HSD17B12: variants seen among roughly 807,000 people sequenced by gnomAD.
HSD17B12 encodes the protein very-long-chain 3-oxoacyl-CoA reductase.
In HSD17B12, 32 loss-of-function variants were observed where a neutral mutation model predicts 39.3. That is an observed-to-expected ratio of 0.81 (90% CI 0.61 to 1.09). HSD17B12 has a LOEUF of 1.09. Among genes scored for constraint, HSD17B12 ranks in the 50% least tolerant of loss-of-function variants. HSD17B12 has a pLI of 0.00. For missense variants in HSD17B12, 342 were observed against 382.9 expected (o/e 0.89, Z 0.89); for synonymous variants, 150 against 146.7 (o/e 1.02, Z -0.16).
At chr11:43,602,195 T>C in the HSD17B12 span, among the ~76,000 whole-genome samples, 1 of 152,214 alleles carries the variant, frequency 6.6e-6, no homozygotes, top group Non-Finnish European at 1.5e-5. Context: ...TTTAAAATTT[T>C]TTATGGAATT....
chr11:43,792,703 T>G (rs914435421), intron 3 of HSD17B12, among the ~76,000 whole-genome samples: 1 of 149,206 alleles, frequency 6.7e-6, no homozygotes, highest in African/African-American at 2.5e-5. Context: ...TTTTTTTTTT[T>G]TGAGAGCTGG....
chr11:43,572,829 T>G, the HSD17B12 span, among the ~76,000 whole-genome samples: 1 of 152,224 alleles, frequency 6.6e-6, no homozygotes, highest in Admixed American at 6.5e-5. Context: ...TGCTCCCTGA[T>G]GAAGACACCT....
intron 3 of HSD17B12, among the ~76,000 whole-genome samples, chr11:43,768,869 A>G (rs60029957): frequency 6.7e-6 from 1 of 149,458 alleles, no homozygotes; most frequent in Non-Finnish European, 1.5e-5. Flanking sequence ...GTCCATTTTA[A>G]AGAGTGCTGA....
chr11:43,622,665 A>G, the HSD17B12 span, among the ~76,000 whole-genome samples: 45 of 152,168 alleles, frequency 3.0e-4, no homozygotes, highest in Non-Finnish European at 5.1e-4. Flanking sequence ...CTCTTTAAGA[A>G]TTTGCAATTT....
intron 6 of HSD17B12, among the ~76,000 whole-genome samples, chr11:43,824,316 T>G (rs1485065496): frequency 6.6e-6 from 1 of 152,248 alleles, no homozygotes; most frequent in African/African-American, 2.4e-5. Context: ...ACAGAATAAC[T>G]GCTTGGAGAA....
rs11037600 is a variant in HSD17B12, at chr11:43,752,992, A to G, written c.208-1054A>G. On this transcript the variant is annotated intron_variant, in intron 2 of 10. Transcript: ENST00000278353. The stretch of plus-strand genomic sequence containing the variant: ...TGACTTTAGGATTTAAGACTGGAAT[A>G]TTAGTTTGCTAAATCACTTTTAGTT... Among the ~76,000 whole-genome samples the G allele has an allele frequency of 7.2e-3, 1,102 of 152,300 alleles. 9 individuals carry two copies. The highest frequency in any genetic ancestry group is 0.045 in the East Asian group (232 of 5,188).
At chr11:43,570,252 C>T in the HSD17B12 span, 3 of 152,250 alleles carry the variant, frequency 2.0e-5, no homozygotes, top group African/African-American at 7.2e-5. Flanking sequence ...TATAGTGAAA[C>T]AGCTTACTCA....
intron 1 of HSD17B12, among the ~76,000 whole-genome samples, chr11:43,740,368 A>G (rs949096756): frequency 6.6e-5 from 10 of 152,092 alleles, no homozygotes; most frequent in African/African-American, 2.4e-4. Context: ...TGTTTTCATA[A>G]TTTATTTTAT....
the HSD17B12 span, among the ~76,000 whole-genome samples, chr11:43,658,413 A>G: frequency 6.6e-6 from 1 of 152,024 alleles, no homozygotes; most frequent in East Asian, 1.9e-4. Flanking sequence ...TTCTCCATCC[A>G]TCTTTGTTCC....
At chr11:43,632,845 T>C in the HSD17B12 span, among the ~76,000 whole-genome samples, 1 of 152,136 alleles carries the variant, frequency 6.6e-6, no homozygotes, top group Non-Finnish European at 1.5e-5. Flanking sequence ...GGAAGTGGCA[T>C]ATAGCTGAGA....
intron 1 of HSD17B12, among the ~76,000 whole-genome samples, chr11:43,685,037 G>A (rs1949785419): frequency 6.6e-6 from 1 of 152,108 alleles, no homozygotes; most frequent in Non-Finnish European, 1.5e-5. Flanking sequence ...ACTTCATTTT[G>A]TTTGTATTGC....
At chr11:43,673,496 T>TCTTTTTTC in the HSD17B12 span, 1 of 142,708 alleles carries the variant, frequency 7.0e-6, no homozygotes, top group South Asian at 2.3e-4. Context: ...TCTTTTCTTT[T>TCTTTTTTC]TTTTTTTTTT....
intron 3 of HSD17B12, among the ~76,000 whole-genome samples, chr11:43,790,767 G>A (rs545817389): frequency 1.4e-4 from 21 of 152,178 alleles, no homozygotes; most frequent in South Asian, 4.1e-4. Flanking sequence ...TGAGGCAGGC[G>A]GATCACCTGA....
At chr11:43,586,863 G>A in the HSD17B12 span, among the ~76,000 whole-genome samples, 3 of 152,156 alleles carry the variant, frequency 2.0e-5, no homozygotes, top group Admixed American at 2.0e-4. Flanking sequence ...CTTTTTCACA[G>A]TCTCTCCCTG....
chr11:43,673,659 TTTTGTTTGTTTG>T, the HSD17B12 span, among the ~76,000 whole-genome samples: 297 of 148,962 alleles, frequency 2.0e-3, 1 homozygote, highest in African/African-American at 5.9e-3. Context: ...GCCCAGCTAG[TTTTGTTTGTTTG>T]TTTGTTTGTT....
At chr11:43,718,654 C>A in intron 1 of HSD17B12, 1 of 700,164 alleles carries the variant, frequency 1.4e-6, no homozygotes. Context: ...CAAAAATATA[C>A]CTTGAATAGC....
the HSD17B12 span, among the ~76,000 whole-genome samples, chr11:43,672,828 G>T: frequency 6.6e-6 from 1 of 152,094 alleles, no homozygotes; most frequent in South Asian, 2.1e-4. Context: ...GGCGTGAGTC[G>T]CCGCACCCTG....
At chr11:43,655,498 A>G in the HSD17B12 span, among the ~76,000 whole-genome samples, 1 of 152,068 alleles carries the variant, frequency 6.6e-6, no homozygotes, top group South Asian at 2.1e-4. Flanking sequence ...TTCAAAGGGA[A>G]TGCTTCCAGT....
chr11:43,853,227 C>G (rs1329097914), intron 9 of HSD17B12: 2 of 149,578 alleles, frequency 1.3e-5, no homozygotes, highest in African/African-American at 4.9e-5. Context: ...GTCCCAGCTA[C>G]TGGGGAGGCT....
Sources: allele counts gnomAD v4.1 joint callset (sites outside exome capture counted in the v4.1 genomes callset), GRCh38; gene constraint gnomAD v4.1.1; transcripts MANE v1.5; gene names NCBI Gene and HGNC (gene_info 2026-07-23, HGNC 2026-07-21).